NBEAL2: variants seen among roughly 807,000 people sequenced by gnomAD.
NBEAL2 encodes the protein neurobeachin like 2.
In NBEAL2, 160 loss-of-function variants were observed where a neutral mutation model predicts 299.8. The ratio of observed to expected loss-of-function variants is 0.53; its 90% CI spans 0.47 to 0.61. The LOEUF (loss-of-function observed/expected upper bound fraction) is 0.61, where lower values mean the gene tolerates loss of function less well. Among genes scored for constraint, NBEAL2 ranks in the 20% least tolerant of loss-of-function variants. The pLI, the probability that NBEAL2 is intolerant of heterozygous loss-of-function variation, is 0.00. For synonymous variants in NBEAL2, 1,493 were observed against 1,542.3 expected (o/e 0.97, Z 0.75); for missense variants, 3,112 against 3,649.0 (o/e 0.85, Z 3.79).
Position 47,004,510 on chromosome 3 carries a change from G to T in NBEAL2, c.6214G>T (p.Glu2072Ter). 1 of 1,613,804 alleles carries T rather than the reference G, an allele frequency of 6.2e-7. No individual in the cohort carries two copies. Among genetic ancestry groups the T allele is most frequent in the East Asian group, 2.2e-5 (1 of 44,874 alleles). The change falls in exon 38 of 54, where the codon GAG becomes TAG. Residue 2072 changes from glutamate to a stop codon, truncating the protein, a stop_gained. Coordinates refer to ENST00000450053, the MANE Select transcript of NBEAL2 (RefSeq NM_015175.3). LOFTEE classifies it high-confidence loss of function. The surrounding 1 kb of genome is among the most constrained non-coding windows in gnomAD (Gnocchi z 5.0). ...SGLTQKWVQR[E>*]ISNFEYLMQL... is the part of the protein sequence containing the mutation. Reference sequence around the variant, plus strand: ...CTGTCCCCAGAAATGGGTACAGCGTGAGATATCCAACTTCGAGTACTTGAT... The same window carrying T: ...CTGTCCCCAGAAATGGGTACAGCGTTAGATATCCAACTTCGAGTACTTGAT...
intron 52 of NBEAL2, 140 bp downstream of exon 52, chr3:47,008,808 G>GGGGA: frequency 6.9e-7 from 1 of 1,452,772 alleles, no homozygotes; most frequent in South Asian, 1.2e-5. Context: ...ATCTTCCCAT[G>GGGGA]GGGAGGTCTT....
intron 24 of NBEAL2, 57 bp downstream of exon 24, chr3:46,999,174 G>A: frequency 2.6e-6 from 4 of 1,543,738 alleles, no homozygotes; most frequent in Non-Finnish European, 3.5e-6. Context: ...CCTGCCTGGG[G>A]TTCAGGGAGG....
chr3:46,994,427 C>T, intron 11 of NBEAL2, 28 bp from the exon 12 acceptor site: 1 of 1,552,950 alleles, frequency 6.4e-7, no homozygotes, highest in Non-Finnish European at 8.8e-7. Context: ...TGTATGTGTT[C>T]ACTTCTTCCC....
intron 9 of NBEAL2, 102 bp from the exon 10 acceptor site, chr3:46,992,373 G>A: frequency 9.0e-7 from 1 of 1,110,314 alleles, no homozygotes; most frequent in Non-Finnish European, 1.3e-6. Flanking sequence ...GCCGGGCAGG[G>A]CACCTGGCAG....
chr3:46,981,322 A>G (rs955796480), intron 1 of NBEAL2, among the ~76,000 whole-genome samples: 5 of 152,228 alleles, frequency 3.3e-5, no homozygotes, highest in African/African-American at 1.2e-4. Flanking sequence ...TGTGCCTGTA[A>G]TCCCAGCTAC....
In NBEAL2 at chr3:47,007,234, C is replaced by T. The variant is rs2037516073; in HGVS notation, c.7225-7C>T. On this transcript the variant is annotated splice_polypyrimidine_tract_variant and splice_region_variant and intron_variant, in intron 46 of 53. Transcript: ENST00000450053. Reference sequence around the variant, plus strand: ...AGAAACCCACCTCTGCCCCCTCCTGCCTGCAGGTGACTGTGAGTGCCAGTG... The same window carrying T: ...AGAAACCCACCTCTGCCCCCTCCTGTCTGCAGGTGACTGTGAGTGCCAGTG... 1 of 1,611,308 alleles carries T rather than the reference C, an allele frequency of 6.2e-7. No homozygotes were observed. Among genetic ancestry groups the T allele is most frequent in the Non-Finnish European group, 8.5e-7 (1 of 1,178,652 alleles).
chr3:46,992,703 C>A, intron 10 of NBEAL2, 148 bp downstream of exon 10: 1 of 743,032 alleles, frequency 1.3e-6, no homozygotes, highest in Non-Finnish European at 2.3e-6. Flanking sequence ...GTCTCGCCTG[C>A]CTTCCAAGTC....
intron 1 of NBEAL2, among the ~76,000 whole-genome samples, chr3:46,986,451 G>A (rs893818062): frequency 7.2e-5 from 11 of 152,220 alleles, no homozygotes; most frequent in African/African-American, 2.7e-4. Flanking sequence ...AGGGGGAGAG[G>A]TGGAAGCTGG....
chr3:47,002,355 C>T lies in NBEAL2; in HGVS notation c.5152-16C>T. On this transcript the variant is annotated splice_polypyrimidine_tract_variant and intron_variant, in intron 31 of 53. Coordinates refer to ENST00000450053, the MANE Select transcript of NBEAL2 (RefSeq NM_015175.3). ...GGCCCACATCGAGCACTGTTCTCCT[C>T]TGCCCAATCCTCCAGGTACAGCCAA... is the stretch of plus-strand genomic sequence containing the variant. The T allele has an allele frequency of 6.2e-7, 1 of 1,613,200 alleles. No homozygotes were observed. Among genetic ancestry groups the T allele is most frequent in the Non-Finnish European group, 8.5e-7 (1 of 1,179,632 alleles).
rs1168842463 is a variant in NBEAL2, at chr3:46,999,461, G to A, written c.3690G>A (p.Leu1230=). 1.8e-5 allele frequency: 28 copies of A among 1,580,266 alleles called. No individual in the cohort carries two copies. Among genetic ancestry groups the A allele is most frequent in the Non-Finnish European group, 2.4e-5 (28 of 1,163,082 alleles). ...SPQLCQGLYK[L]FLGADCLNLS... is the part of the protein sequence containing the mutation. ...AGCTCTGCCAGGGCCTCTACAAGCT[G>A]TTCCTGGGGGCAGGTACAACCTGGT... is the stretch of plus-strand genomic sequence containing the variant. Residue 1230 remains leucine, a synonymous_variant, in exon 25 of 54, where the codon CTG becomes CTA. Coordinates refer to ENST00000450053, the MANE Select transcript of NBEAL2 (RefSeq NM_015175.3).
rs374970922 is a variant in NBEAL2, at chr3:47,009,265, G to T, written c.8210G>T (p.Arg2737Leu). ...CGGAAGCTGTGGCGGTCCTCGCGGC[G>T]CATCTCCCAGGTGTCCTCGGGAGAG... ...FARKLWRSSR[R>L]ISQVSSGETE... The change falls in exon 54 of 54, where the codon CGC becomes CTC. Residue 2737 changes from arginine to leucine, a missense_variant. Physicochemically the swap from Arg to Leu is moderately radical, Grantham distance 102. Around this residue, in one of 3 missense-constraint regions of NBEAL2, gnomAD observed 348 missense variants for 381.4 expected, o/e 0.91. Coordinates refer to ENST00000450053, the MANE Select transcript of NBEAL2 (RefSeq NM_015175.3). The T allele has an allele frequency of 6.2e-7, 1 of 1,602,180 alleles. No individual in the cohort carries two copies. The highest frequency in any genetic ancestry group is 1.7e-5 in the Admixed American group (1 of 59,084).
intron 1 of NBEAL2, among the ~76,000 whole-genome samples, chr3:46,984,279 C>T (rs549813722): frequency 6.6e-6 from 1 of 152,154 alleles, no homozygotes; most frequent in Non-Finnish European, 1.5e-5. Flanking sequence ...GCACTCCAGC[C>T]TGGGCCGGCG....
intron 33 of NBEAL2, 29 bp downstream of exon 33, chr3:47,002,831 T>A (rs1575617558): frequency 1.4e-6 from 1 of 727,448 alleles, no homozygotes; most frequent in Non-Finnish European, 2.0e-6. Context: ...AGGGTCGCTG[T>A]GGAGGGGTGG....
chr3:47,002,650 G>A lies in NBEAL2; in HGVS notation c.5307G>A (p.Leu1769=), dbSNP rs1423180559. ...RAQSRRAFQE[L]VLEPAQRRAR... ...ACCTATTACCCCCACCCCAGGAGCT[G>A]GTGCTGGAACCTGCGCAGAGGCGGG... Residue 1769 remains leucine (L), a synonymous_variant, in exon 33 of 54, where the codon CTG becomes CTA. Coordinates refer to ENST00000450053, the MANE Select transcript of NBEAL2 (RefSeq NM_015175.3). The A allele has an allele frequency of 1.2e-6, 2 of 1,609,490 alleles. No individual in the cohort carries two copies. Among genetic ancestry groups the A allele is most frequent in the Middle Eastern group, 1.6e-4 (1 of 6,082 alleles).
chr3:47,005,571 C>T lies in NBEAL2; in HGVS notation c.6643C>T (p.Leu2215Phe). 6.2e-7 allele frequency: 1 copy of T among 1,613,082 alleles called. No homozygotes were observed. The highest frequency in any genetic ancestry group is 8.5e-7 in the Non-Finnish European group (1 of 1,179,584). Residue 2215 changes from leucine to phenylalanine, a missense_variant, in exon 41 of 54, where the codon CTC (leucine) becomes TTC (phenylalanine). This residue lies in a region of NBEAL2 where 521 missense variants were observed against 729.6 expected (regional missense o/e 0.71). Coordinates refer to ENST00000450053, the MANE Select transcript of NBEAL2 (RefSeq NM_015175.3). Reference sequence around the variant, plus strand: ...GGAGAGCCCTGCCGATGTGAAGGAGCTCATCCCGGAATTCTTCTACTTTCC... The same window carrying T: ...GGAGAGCCCTGCCGATGTGAAGGAGTTCATCCCGGAATTCTTCTACTTTCC... ...RLESPADVKELIPEFFYFPDF... is the reference protein window; with the variant it reads ...RLESPADVKEFIPEFFYFPDF...
At chr3:46,994,937 T>C (rs2036372303) in intron 12 of NBEAL2, 95 bp from the exon 13 acceptor site, 6 of 1,451,220 alleles carry the variant, frequency 4.1e-6, no homozygotes, top group South Asian at 1.4e-5. Flanking sequence ...ATCATGTTGC[T>C]GACTGCTGCC....
Position 46,989,731 on chromosome 3 carries a change from A to T in NBEAL2, c.556+138A>T, listed in dbSNP as rs2035951411. The T allele has an allele frequency of 2.5e-6, 2 of 805,454 alleles. No homozygotes were observed. Among genetic ancestry groups the T allele is most frequent in the Admixed American group, 4.4e-5 (2 of 45,504 alleles). 49.9% of individuals were successfully genotyped at this position (805,454 alleles called of 1,614,324 possible). A position where few individuals can be genotyped will look rare whatever the true frequency, so the allele number is the denominator to read the frequency against. The stretch of plus-strand genomic sequence containing the variant: ...CTGGGAGAACCAAAGACCAAGCAAG[A>T]GTTTAGGGACAGAGACAAGAGAAGA... On this transcript the variant is annotated intron_variant, in intron 6 of 53. Transcript: ENST00000450053. The surrounding 1 kb of genome is among the most constrained non-coding windows in gnomAD (Gnocchi z 5.5).
intron 12 of NBEAL2, 100 bp from the exon 13 acceptor site, chr3:46,994,932 G>A: frequency 1.4e-6 from 2 of 1,443,254 alleles, no homozygotes; most frequent in Non-Finnish European, 1.8e-6. Context: ...AGTAGATCAT[G>A]TTGCTGACTG....
At chr3:46,987,954 C>A in intron 1 of NBEAL2, 1 of 1,261,044 alleles carries the variant, frequency 7.9e-7, no homozygotes, top group African/African-American at 1.6e-5. Flanking sequence ...GCGCTTCCTG[C>A]CCCAGCCCCG....
Sources: allele counts gnomAD v4.1 joint callset (sites outside exome capture counted in the v4.1 genomes callset), GRCh38; gene constraint gnomAD v4.1.1; regional missense constraint gnomAD v4.1.1; non-coding constraint Gnocchi (gnomAD v3.1); transcripts MANE v1.5; gene names NCBI Gene and HGNC (gene_info 2026-07-23, HGNC 2026-07-21).